ZNF808: variants seen among roughly 807,000 people sequenced by gnomAD.
ZNF808 encodes the protein zinc finger protein 808.
ZNF808 carries 5 observed loss-of-function variants against 8.7 expected under a neutral mutation model. That is an observed-to-expected ratio of 0.58 (90% CI 0.30 to 1.21). ZNF808 has a LOEUF of 1.21. Ranked by LOEUF, ZNF808 falls within the 50% of genes most tolerant of loss-of-function variation. The pLI is 0.07. For synonymous variants in ZNF808, 380 were observed against 366.0 expected (o/e 1.04, Z -0.44); for missense variants, 1,103 against 1,098.4 (o/e 1.00, Z -0.06).
intron 2 of ZNF808, 64 bp downstream of exon 2, chr19:52,533,073 T>C (rs1211033047): frequency 6.6e-6 from 1 of 152,362 alleles, no homozygotes; most frequent in Non-Finnish European, 1.5e-5. Context: ...ATTCCTCCTT[T>C]GAAATTAAAG....
chr19:52,557,019 A>C (rs1228819366), downstream of ZNF808, among the ~76,000 whole-genome samples: 2 of 152,004 alleles, frequency 1.3e-5, no homozygotes, highest in Non-Finnish European at 2.9e-5. Flanking sequence ...GTCGCCTTGG[A>C]TGGAGTGCAG....
At chr19:52,540,290 G>A (rs1453687955) in intron 2 of ZNF808, among the ~76,000 whole-genome samples, 2 of 152,282 alleles carry the variant, frequency 1.3e-5, no homozygotes, top group South Asian at 2.1e-4. Flanking sequence ...GATTATAGGC[G>A]TGAGTCACTA....
downstream of ZNF808, among the ~76,000 whole-genome samples, chr19:52,567,411 G>GTTTTCTTTTTT (rs991821780): frequency 6.8e-6 from 1 of 146,512 alleles, no homozygotes; most frequent in East Asian, 2.0e-4. Flanking sequence ...GTAACTGGTA[G>GTTTTCTTTTTT]TTTTCTTTTT....
intron 2 of ZNF808, among the ~76,000 whole-genome samples, chr19:52,538,621 T>TC (rs2059636929): frequency 7.5e-6 from 1 of 134,188 alleles, no homozygotes; most frequent in African/African-American, 2.9e-5. Context: ...AGAGCGAAAC[T>TC]CTGTCTCAAA....
chr19:52,558,923 G>A (rs1304193276), downstream of ZNF808, among the ~76,000 whole-genome samples: 1 of 152,204 alleles, frequency 6.6e-6, no homozygotes, highest in Non-Finnish European at 1.5e-5. Flanking sequence ...AATGCTAGAA[G>A]ACAGCGTGCT....
chr19:52,535,141 C>G (rs951070461), intron 2 of ZNF808, among the ~76,000 whole-genome samples: 5 of 151,156 alleles, frequency 3.3e-5, no homozygotes, highest in Non-Finnish European at 5.9e-5. Flanking sequence ...ACCATCCTGG[C>G]TAACATGGTG....
At chr19:52,534,402 C>G (rs547951788) in intron 2 of ZNF808, among the ~76,000 whole-genome samples, 3 of 152,282 alleles carry the variant, frequency 2.0e-5, no homozygotes, top group Admixed American at 1.3e-4. Context: ...GTATAGAACA[C>G]TGAAGTTTCT....
At chr19:52,559,229 C>G (rs1444689963), downstream of ZNF808, among the ~76,000 whole-genome samples, 1 of 151,894 alleles carries the variant, frequency 6.6e-6, no homozygotes, top group African/African-American at 2.4e-5. Flanking sequence ...CGGTGTAAAG[C>G]CCAATTGTAT....
chr19:52,561,204 CTCTCTCTCTATATATATATATA>C (rs1224939821), downstream of ZNF808, among the ~76,000 whole-genome samples: 59 of 39,198 alleles, frequency 1.5e-3, no homozygotes, highest in African/African-American at 5.1e-3. Context: ...CTCTCTCTCT[CTCTCTCTCTATATATATATATA>C]TATATATATA....
chr19:52,533,662 T>C (rs1417976418), intron 2 of ZNF808, among the ~76,000 whole-genome samples: 1 of 151,468 alleles, frequency 6.6e-6, no homozygotes, highest in Non-Finnish European at 1.5e-5. Context: ...CGACACCGCC[T>C]GACAAACATG....
chr19:52,547,391 A>G lies in ZNF808; in HGVS notation c.64-121A>G, dbSNP rs1204775101. On this transcript the variant is annotated intron_variant, in intron 3 of 4. Transcript: ENST00000359798. The stretch of plus-strand genomic sequence containing the variant: ...AAAAAATAGTCAAAAATACCTTAAC[A>G]TCCTTTTGTCAGAACACAGTCTTTG... 4 of 1,551,092 alleles carry G rather than the reference A, an allele frequency of 2.6e-6. No individual in the cohort carries two copies. In the South Asian group the frequency reaches 4.9e-5, roughly 19 times the overall value.
At chr19:52,533,326 A>G (rs2059576883) in intron 2 of ZNF808, among the ~76,000 whole-genome samples, 2 of 152,070 alleles carry the variant, frequency 1.3e-5, no homozygotes, top group Admixed American at 6.6e-5. Context: ...TCCCAGGTAC[A>G]TGAGATTCTA....
downstream of ZNF808, among the ~76,000 whole-genome samples, chr19:52,561,202 CTCTCTCTCTCTATA>C (rs1392797425): frequency 0.016 from 707 of 43,508 alleles, 2 homozygotes; most frequent in African/African-American, 0.018. Flanking sequence ...CTCTCTCTCT[CTCTCTCTCTCTATA>C]TATATATATA....
Position 52,554,327 on chromosome 19 carries a change from G to A in ZNF808, c.1411G>A (p.Ala471Thr). 2 of 1,614,058 alleles carry A rather than the reference G, an allele frequency of 1.2e-6. No homozygotes were observed. Among genetic ancestry groups the A allele is most frequent in the Non-Finnish European group, 1.7e-6 (2 of 1,180,018 alleles). Residue 471 changes from alanine to threonine, a missense_variant, in exon 5 of 5, where the codon GCA becomes ACA. By Grantham distance (58) the Ala-to-Thr change is moderately conservative. Transcript: ENST00000359798. ...DTAFTCNSQL[A>T]RHRRIHTGEK... Reference sequence around the variant, plus strand: ...AGCTTTCACGTGTAATTCACAGCTGGCACGACATAGAAGAATTCACACTGG... The same window carrying A: ...AGCTTTCACGTGTAATTCACAGCTGACACGACATAGAAGAATTCACACTGG...
intron 1 of ZNF808, among the ~76,000 whole-genome samples, chr19:52,529,892 CATAT>C (rs536138507): frequency 0.023 from 3,292 of 141,936 alleles, 134 homozygotes; most frequent in African/African-American, 0.079. Flanking sequence ...AGCTAGTTTA[CATAT>C]ATATATATAT....
At chr19:52,559,669 A>C (rs1426605504), downstream of ZNF808, among the ~76,000 whole-genome samples, 2 of 152,188 alleles carry the variant, frequency 1.3e-5, no homozygotes, top group Non-Finnish European at 2.9e-5. Flanking sequence ...TCAGGAATGG[A>C]ATGGAAAGTG....
chr19:52,550,390 C>T (rs60856351), intron 4 of ZNF808, among the ~76,000 whole-genome samples: 6,161 of 152,122 alleles, frequency 0.041, 383 homozygotes, highest in African/African-American at 0.13. Flanking sequence ...ACCACCACAC[C>T]TGCCTAATTT....
rs150253898 is a variant in ZNF808 at position 52,532,148 on chromosome 19, C to G, written c.-121-760C>G. 2.7e-3 allele frequency among the ~76,000 whole-genome samples: 416 copies of G among 152,254 alleles called. 2 individuals are homozygous for G. Among genetic ancestry groups the G allele is most frequent in the Middle Eastern group, 6.8e-3 (2 of 292 alleles). ...GATATGTAATGGAACTGACACACTG[C>G]ACTTGTTAATTTCAATAAGTGCCTG... On this transcript the variant is annotated intron_variant, in intron 1 of 4. Coordinates refer to ENST00000359798, the MANE Select transcript of ZNF808 (RefSeq NM_001039886.4).
chr19:52,565,868 C>T (rs570017526), downstream of ZNF808, among the ~76,000 whole-genome samples: 12 of 152,286 alleles, frequency 7.9e-5, 1 homozygote, highest in South Asian at 2.3e-3. Flanking sequence ...TTGTAAATTG[C>T]AGCCTGAACA....
Sources: gnomAD v4.1 joint callset for allele counts (sites outside exome capture counted in the v4.1 genomes callset) on GRCh38, gnomAD v4.1.1 for gene constraint, MANE v1.5 for transcripts, NCBI Gene and HGNC (gene_info 2026-07-23, HGNC 2026-07-21) for gene names.